Variants in TAF4B observed in about 807,000 individuals in gnomAD.
TAF4B encodes the protein TATA-box binding protein associated factor 4b.
A neutral mutation model predicts 86.4 loss-of-function variants in TAF4B; 38 were observed. That is an observed-to-expected ratio of 0.44 (90% CI 0.34 to 0.58). The LOEUF is 0.58. TAF4B is among the 20% of genes least tolerant of loss of function. TAF4B has a pLI of 0.02. For synonymous variants in TAF4B, 388 were observed against 391.2 expected (o/e 0.99, Z 0.10); for missense variants, 988 against 1,027.6 (o/e 0.96, Z 0.53).
intron 1 of TAF4B, among the ~76,000 whole-genome samples, chr18:26,229,525 C>T (rs190140724): frequency 2.9e-5 from 4 of 136,900 alleles, no homozygotes; most frequent in East Asian, 4.1e-4. Context: ...TTCTCTGAGA[C>T]GGAGTGTCAC....
intron 1 of TAF4B, among the ~76,000 whole-genome samples, chr18:26,231,034 C>CTTTTTTTTTTTTTGTTTTTTT (rs2055658403): frequency 3.0e-5 from 2 of 66,164 alleles, no homozygotes; most frequent in Non-Finnish European, 2.8e-5. Context: ...TGTTGTTTTG[C>CTTTTTTTTTTTTTGTTTTTTT]TTTTTTTTTT....
At position 26,306,661 on chromosome 18, in the gene TAF4B, A is replaced by G. The variant is rs531455467; in HGVS notation, c.1833-8568A>G. ...GGTGCACTTTTCATTTTTGTACAGT[A>G]CTTTCTAGTAATTCACAGTCACACA... On this transcript the variant is annotated intron_variant, in intron 9 of 14. Transcript: ENST00000269142. 5.3e-4 allele frequency among the ~76,000 whole-genome samples: 81 copies of G among 152,270 alleles called. 2 individuals carry two copies. The South Asian group carries it at 0.015, about 29-fold the overall frequency.
intron 14 of TAF4B, among the ~76,000 whole-genome samples, chr18:26,371,547 G>A (rs2057405910): frequency 6.6e-6 from 1 of 152,178 alleles, no homozygotes. Context: ...TAAAGACAAG[G>A]TGAATGTGAT....
At chr18:26,243,146 G>A (rs559545743) in intron 1 of TAF4B, among the ~76,000 whole-genome samples, 80 of 152,192 alleles carry the variant, frequency 5.3e-4, no homozygotes, top group African/African-American at 1.9e-3. Context: ...GCTAGGTTGG[G>A]GAAGTTCTCC....
intron 1 of TAF4B, among the ~76,000 whole-genome samples, chr18:26,231,333 C>T (rs1419690511): frequency 3.5e-5 from 5 of 142,156 alleles, no homozygotes; most frequent in African/African-American, 7.9e-5. Context: ...GTGAGCCACC[C>T]AGCTGCTTGG....
intron 9 of TAF4B, among the ~76,000 whole-genome samples, chr18:26,298,536 T>C (rs981559688): frequency 6.8e-6 from 1 of 147,142 alleles, no homozygotes; most frequent in Non-Finnish European, 1.5e-5. Flanking sequence ...CCTGCCTGTT[T>C]TTGTTTTATT....
At chr18:26,242,002 G>A (rs577666388) in intron 1 of TAF4B, among the ~76,000 whole-genome samples, 18 of 152,022 alleles carry the variant, frequency 1.2e-4, no homozygotes, top group Admixed American at 3.3e-4. Context: ...GCTTTACTTC[G>A]AACTATGTGG....
chr18:26,364,796 T>A (rs1468938592), intron 14 of TAF4B, among the ~76,000 whole-genome samples: 1 of 152,182 alleles, frequency 6.6e-6, no homozygotes, highest in East Asian at 1.9e-4. Context: ...AAATGAAGCT[T>A]CCTAAGATCG....
chr18:26,344,090 G>T (rs2057157139), intron 13 of TAF4B, among the ~76,000 whole-genome samples: 1 of 151,932 alleles, frequency 6.6e-6, no homozygotes, highest in East Asian at 2.0e-4. Context: ...AAAGAATAAA[G>T]TTATAAAATG....
At chr18:26,306,205 A>C (rs2056793109) in intron 9 of TAF4B, among the ~76,000 whole-genome samples, 1 of 152,062 alleles carries the variant, frequency 6.6e-6, no homozygotes, top group Non-Finnish European at 1.5e-5. Flanking sequence ...TGGGGGGTAC[A>C]TAGGCGTATA....
intron 3 of TAF4B, among the ~76,000 whole-genome samples, chr18:26,272,858 A>G (rs1029036040): frequency 5.3e-5 from 8 of 151,272 alleles, no homozygotes; most frequent in Non-Finnish European, 1.2e-4. Context: ...TATGAAAAGG[A>G]GGGAGACTTC....
In TAF4B at chr18:26,285,222, G is replaced by GTTTTTGTTTTTTTTTTGT; in HGVS notation, c.973-655_973-654insGTTTTTTTTTTGTTTTTT. On this transcript the variant is annotated intron_variant, in intron 6 of 14. Coordinates refer to ENST00000269142, the MANE Select transcript of TAF4B (RefSeq NM_005640.3). ...ATTTCTTCCTTTCCTTTTTTTTTTT[G>GTTTTTGTTTTTTTTTTGT]TTTTTTTTTTTTTTGGAGATGGGGT... Among the ~76,000 whole-genome samples, 323 of 45,696 alleles carry GTTTTTGTTTTTTTTTTGT rather than the reference G, an allele frequency of 7.1e-3. 24 individuals carry two copies. The highest frequency in any genetic ancestry group is 0.021 in the Middle Eastern group (1 of 48). 30.0% of individuals were successfully genotyped at this position (45,696 alleles called of 152,430 possible). A position where few individuals can be genotyped will look rare whatever the true frequency, so the allele number is the denominator to read the frequency against.
intron 14 of TAF4B, among the ~76,000 whole-genome samples, chr18:26,358,117 C>T (rs1055568261): frequency 1.3e-5 from 2 of 151,952 alleles, no homozygotes; most frequent in African/African-American, 4.8e-5. Flanking sequence ...AGTCCTGTTC[C>T]CTCTGTCTAA....
chr18:26,256,725 C>G (rs1413977344), intron 1 of TAF4B, among the ~76,000 whole-genome samples: 2 of 151,788 alleles, frequency 1.3e-5, no homozygotes, highest in African/African-American at 2.4e-5. Flanking sequence ...TCATTCATCT[C>G]AAAAGTATTT....
chr18:26,284,570 G>A (rs1472098944), intron 6 of TAF4B, among the ~76,000 whole-genome samples: 1 of 152,172 alleles, frequency 6.6e-6, no homozygotes, highest in Non-Finnish European at 1.5e-5. Flanking sequence ...TACAAAGATA[G>A]ATGCTGACAG....
intron 1 of TAF4B, among the ~76,000 whole-genome samples, chr18:26,261,534 C>T (rs2144528536): frequency 6.6e-6 from 1 of 152,326 alleles, no homozygotes; most frequent in African/African-American, 2.4e-5. Flanking sequence ...CTGTCTCTGC[C>T]TCATCTCTCT....
chr18:26,372,954 C>CT (rs980785861), intron 14 of TAF4B, among the ~76,000 whole-genome samples: 1 of 97,814 alleles, frequency 1.0e-5, no homozygotes, highest in Non-Finnish European at 2.5e-5. Flanking sequence ...GAGCTAGACT[C>CT]TGTCTCAAAA....
At chr18:26,246,424 G>T (rs1358678186) in intron 1 of TAF4B, among the ~76,000 whole-genome samples, 1 of 152,188 alleles carries the variant, frequency 6.6e-6, no homozygotes, top group African/African-American at 2.4e-5. Flanking sequence ...GCTTTTTGTG[G>T]AATGTAATAG....
At chr18:26,289,878 G>A (rs529588898) in intron 7 of TAF4B, among the ~76,000 whole-genome samples, 1 of 152,048 alleles carries the variant, frequency 6.6e-6, no homozygotes, top group Non-Finnish European at 1.5e-5. Context: ...ATTGTTCCAG[G>A]TGTTAGAGTC....
Sources: allele counts gnomAD v4.1 joint callset (sites outside exome capture counted in the v4.1 genomes callset), GRCh38; gene constraint gnomAD v4.1.1; transcripts MANE v1.5; gene names NCBI Gene and HGNC (gene_info 2026-07-23, HGNC 2026-07-21).